The following RC3H2 variants were observed in gnomAD, a reference collection of about 807,000 sequenced individuals.
The protein encoded by RC3H2 is roquin-2.
In RC3H2, 31 loss-of-function variants were observed where a neutral mutation model predicts 133.3. That is an observed-to-expected ratio of 0.23 (90% CI 0.17 to 0.31). The LOEUF is 0.31. Ranked by LOEUF, RC3H2 falls within the 10% of genes least tolerant of loss-of-function variation. The pLI is 1.00. For synonymous variants in RC3H2, 517 were observed against 502.2 expected (o/e 1.03, Z -0.40); for missense variants, 1,175 against 1,437.2 (o/e 0.82, Z 2.95).
intron 9 of RC3H2, among the ~76,000 whole-genome samples, chr9:122,868,761 TAAATAA>T (rs1378192990): frequency 7.3e-5 from 11 of 151,148 alleles, no homozygotes; most frequent in Non-Finnish European, 1.3e-4. Context: ...AATAAATAAA[TAAATAA>T]AAAGAAAATG....
intron 9 of RC3H2, among the ~76,000 whole-genome samples, chr9:122,876,642 A>G (rs1287521461): frequency 6.6e-6 from 1 of 151,868 alleles, no homozygotes; most frequent in South Asian, 2.1e-4. Context: ...AAAAAAAAAA[A>G]GTTGATACAC....
intron 10 of RC3H2, among the ~76,000 whole-genome samples, chr9:122,863,080 C>T (rs1453733057): frequency 1.1e-4 from 16 of 152,024 alleles, no homozygotes; most frequent in Admixed American, 1.0e-3. Flanking sequence ...GCATTCATTC[C>T]CCATTCCTGT....
intron 11 of RC3H2, among the ~76,000 whole-genome samples, chr9:122,859,529 G>A (rs7034822): frequency 0.069 from 10,531 of 152,162 alleles, 412 homozygotes; most frequent in African/African-American, 0.092. Context: ...ATTGCCACTG[G>A]TTTTGGATTA....
chr9:122,867,420 A>C (rs1337597624), intron 9 of RC3H2, among the ~76,000 whole-genome samples: 62 of 78,760 alleles, frequency 7.9e-4, no homozygotes, highest in African/African-American at 1.2e-3. Context: ...GGGGGTCAGC[A>C]CCCCGCCCGG....
intron 9 of RC3H2, among the ~76,000 whole-genome samples, chr9:122,866,047 T>C (rs1332050709): frequency 6.6e-6 from 1 of 152,176 alleles, no homozygotes; most frequent in East Asian, 1.9e-4. Context: ...ACAAATTTGG[T>C]TGAGAACACA....
rs1168328737 is a variant in RC3H2 at position 122,857,993 on chromosome 9, G to A, written c.2384C>T (p.Ser795Leu). 2 of 1,614,176 alleles carry A rather than the reference G, an allele frequency of 1.2e-6. No individual in the cohort carries two copies. Among genetic ancestry groups the A allele is most frequent in the East Asian group, 4.5e-5 (2 of 44,884 alleles). Reference protein sequence around the residue: ...YHTQKAPLVSSTLPVATQSPT... With the variant: ...YHTQKAPLVSLTLPVATQSPT... ...TGACTGTGTTGCCACAGGAAGAGTT[G>A]AAGAGACAAGAGGTGCTTTCTGAGT... is the stretch of plus-strand genomic sequence containing the variant. The change falls in exon 13 of 21, where the codon TCA (serine) becomes TTA (leucine). Residue 795 changes from serine (S) to leucine (L), a missense_variant. Ser to Leu is a moderately radical substitution (Grantham distance 145). Coordinates refer to ENST00000357244, the MANE Select transcript of RC3H2 (RefSeq NM_001100588.3).
At chr9:122,893,780 AT>A (rs1181539912) in intron 2 of RC3H2, among the ~76,000 whole-genome samples, 2 of 152,120 alleles carry the variant, frequency 1.3e-5, no homozygotes, top group African/African-American at 4.8e-5. Flanking sequence ...CCTTTTTACT[AT>A]ATTATTTACT....
intron 12 of RC3H2, 41 bp from the exon 13 acceptor site, chr9:122,858,134 G>C (rs759276041): frequency 6.4e-7 from 1 of 1,565,122 alleles, no homozygotes; most frequent in South Asian, 1.1e-5. Context: ...CATCTAGGGA[G>C]TGGTGAATAA....
chr9:122,898,764 A>AT (rs1377390099), intron 1 of RC3H2, among the ~76,000 whole-genome samples: 146 of 151,818 alleles, frequency 9.6e-4, no homozygotes, highest in African/African-American at 3.4e-3. Flanking sequence ...AAAAAAAAAA[A>AT]AGTTCCATAA....
chr9:122,858,029 G>A lies in RC3H2; in HGVS notation c.2348C>T (p.Ala783Val). The A allele has an allele frequency of 1.2e-6, 2 of 1,614,182 alleles. No homozygotes were observed. Among genetic ancestry groups the A allele is most frequent in the Non-Finnish European group, 1.7e-6 (2 of 1,179,984 alleles). ...AGGTGCTTTCTGAGTGTGGTACTGT[G>A]CCCACTGATCTGGCTTTCTTCTTAT... ...EQIRRKPDQW[A>V]QYHTQKAPLV... The change falls in exon 13 of 21, where the codon GCA (alanine) becomes GTA (valine). Residue 783 changes from alanine to valine, a missense_variant. Physicochemically the swap from Ala to Val is moderately conservative, Grantham distance 64. Around this residue, in one of 8 missense-constraint regions of RC3H2, gnomAD observed 490 missense variants for 492.8 expected, o/e 0.99. Transcript: ENST00000357244.
rs758437067 is a variant in RC3H2 at position 122,854,614 on chromosome 9, A to G, written c.2817T>C (p.Asp939=). The G allele has an allele frequency of 8.7e-6, 14 of 1,604,370 alleles. No individual in the cohort carries two copies. The highest frequency in any genetic ancestry group is 1.1e-5 in the South Asian group (1 of 90,910). The change falls in exon 16 of 21, where the codon GAT becomes GAC. Residue 939 remains aspartate (D), a splice_region_variant and synonymous_variant. Transcript: ENST00000357244. ...CAACAGCATTGACATAAGGGACATA[A>G]TCTACAGACATGTAGAATGAAACAA... ...GSATKPISVS[D]YVPYVNAVDS...
intron 3 of RC3H2, among the ~76,000 whole-genome samples, chr9:122,890,957 C>T (rs758464152): frequency 6.6e-6 from 1 of 151,500 alleles, no homozygotes; most frequent in Non-Finnish European, 1.5e-5. Context: ...GTTATTTCAT[C>T]CATCTAAAAT....
chr9:122,893,631 T>C (rs972102835), intron 2 of RC3H2, among the ~76,000 whole-genome samples: 7 of 152,228 alleles, frequency 4.6e-5, no homozygotes, highest in African/African-American at 1.7e-4. Context: ...GATGTTAACA[T>C]TAGGTTAAGC....
intron 9 of RC3H2, among the ~76,000 whole-genome samples, chr9:122,869,672 C>T (rs1830977124): frequency 6.6e-6 from 1 of 151,154 alleles, no homozygotes; most frequent in Admixed American, 6.6e-5. Flanking sequence ...AAGCAATTCT[C>T]CTGCCTCAGC....
chr9:122,860,261 CAAAT>C lies in RC3H2; in HGVS notation c.1635-134_1635-131del, dbSNP rs890137729. The C allele has an allele frequency of 3.6e-5, 24 of 658,342 alleles. No individual in the cohort carries two copies. In the African/African-American group the frequency reaches 4.2e-4, roughly 12 times the overall value. The allele number at this position is 658,342 out of a possible 1,614,324, so 40.8% of individuals were successfully genotyped here. On this transcript the variant is annotated intron_variant, in intron 10 of 20. Coordinates refer to ENST00000357244, the MANE Select transcript of RC3H2 (RefSeq NM_001100588.3). The stretch of plus-strand genomic sequence containing the variant: ...AACACTTCAGACATTGCCACATTGA[CAAAT>C]AAGGCAATGAATTTCACTGCCACCT...
chr9:122,875,162 C>T, intron 9 of RC3H2: 1 of 1,540,858 alleles, frequency 6.5e-7, no homozygotes, highest in Admixed American at 2.1e-5. Context: ...ATCTTTTTTC[C>T]TTAGGACTCC....
In RC3H2 at chr9:122,858,036, G is replaced by C. The variant is rs770766467; in HGVS notation, c.2341C>G (p.Gln781Glu). The change falls in exon 13 of 21, where the codon CAG becomes GAG. Residue 781 changes from glutamine to glutamate, a missense_variant. Physicochemically the swap from Gln to Glu is conservative, Grantham distance 29. This residue lies in a region of RC3H2 where 490 missense variants were observed against 492.8 expected (regional missense o/e 0.99). Transcript: ENST00000357244. Reference sequence around the variant, plus strand: ...TTCTGAGTGTGGTACTGTGCCCACTGATCTGGCTTTCTTCTTATCTGCTCC... The same window carrying C: ...TTCTGAGTGTGGTACTGTGCCCACTCATCTGGCTTTCTTCTTATCTGCTCC... ...CEEQIRRKPD[Q>E]WAQYHTQKAP... 15 of 1,614,214 alleles carry C rather than the reference G, an allele frequency of 9.3e-6. No individual in the cohort carries two copies. In the South Asian group the frequency reaches 1.4e-4, roughly 15 times the overall value.
At chr9:122,875,350 T>G in intron 9 of RC3H2, 1 of 1,550,478 alleles carries the variant, frequency 6.4e-7, no homozygotes. Flanking sequence ...AATGAAGATA[T>G]AGTCCACGGG....
chr9:122,900,469 A>G (rs572222763), intron 1 of RC3H2, among the ~76,000 whole-genome samples: 70 of 152,314 alleles, frequency 4.6e-4, no homozygotes, highest in African/African-American at 1.6e-3. Flanking sequence ...AAGAAACTTC[A>G]TTCCTTCAAA....
Sources: allele counts gnomAD v4.1 joint callset (sites outside exome capture counted in the v4.1 genomes callset), GRCh38; gene constraint gnomAD v4.1.1; regional missense constraint gnomAD v4.1.1; transcripts MANE v1.5; gene names NCBI Gene and HGNC (gene_info 2026-07-23, HGNC 2026-07-21).